The following AP3B1 variants were observed in gnomAD, a reference collection of about 807,000 sequenced individuals.
AP3B1 encodes AP-3 complex subunit beta-1.
In AP3B1, 61 loss-of-function variants were observed where a neutral mutation model predicts 132.5. The observed-to-expected ratio is 0.46, with a 90% CI of 0.37 to 0.57. The LOEUF (loss-of-function observed/expected upper bound fraction) is 0.57. AP3B1 is among the 20% of genes least tolerant of loss of function. AP3B1 has a pLI of 0.00. For missense variants in AP3B1, 1,120 were observed against 1,289.4 expected (o/e 0.87, Z 2.01); for synonymous variants, 388 against 438.3 (o/e 0.89, Z 1.43).
chr5:78,231,788 A>G (rs1378459331), intron 3 of AP3B1, among the ~76,000 whole-genome samples: 2 of 152,242 alleles, frequency 1.3e-5, no homozygotes, highest in Non-Finnish European at 1.5e-5. Flanking sequence ...CATGTCAGAC[A>G]CTGTTCTAAA....
At chr5:78,284,693 C>T (rs1327493708) in intron 1 of AP3B1, among the ~76,000 whole-genome samples, 15 of 152,114 alleles carry the variant, frequency 9.9e-5, no homozygotes, top group Non-Finnish European at 1.9e-4. Context: ...CTACATTAAC[C>T]GATTTCTTCT....
rs5868903 is a variant in AP3B1 at position 78,144,829 on chromosome 5, T to TTTGTTG, written c.1474-3516_1474-3511dup. Among the ~76,000 whole-genome samples, 13 of 140,750 alleles carry TTTGTTG rather than the reference T, an allele frequency of 9.2e-5. No homozygotes were observed. The East Asian group carries it at 1.4e-3, about 15-fold the overall frequency. 92.3% of individuals were successfully genotyped at this position (140,750 alleles called of 152,430 possible). ...GCAATCCACAGGTAGTATGGGTTGT[T>TTTGTTG]TTGTTGTTGTTGTTGTTTTTTAAAG... is the stretch of plus-strand genomic sequence containing the variant. On this transcript the variant is annotated intron_variant, in intron 14 of 26. Coordinates refer to ENST00000255194, the MANE Select transcript of AP3B1 (RefSeq NM_003664.5).
rs770886275 is a variant in AP3B1 at position 78,015,523 on chromosome 5, A to T, written c.3018T>A (p.Thr1006=). 1.7e-5 allele frequency: 27 copies of T among 1,613,558 alleles called. No individual in the cohort carries two copies. The South Asian group carries it at 3.0e-4, about 18-fold the overall frequency. The change falls in exon 26 of 27, where the codon ACT becomes ACA. Residue 1006 remains threonine (T), a synonymous_variant. Coordinates refer to ENST00000255194, the MANE Select transcript of AP3B1 (RefSeq NM_003664.5). ...GTGGTGCAGCAATGATTACAGCAGAAGTTTCATTCATTCCTGTTAGCACTC... is the reference window on the plus strand; with the variant it reads ...GTGGTGCAGCAATGATTACAGCAGATGTTTCATTCATTCCTGTTAGCACTC... ...EQGVLTGMNE[T]SAVIIAAPQN...
rs187205228 is a variant in AP3B1, at chr5:78,171,022, T to G, written c.1167+4604A>C. Among the ~76,000 whole-genome samples the G allele has an allele frequency of 4.1e-3, 628 of 152,318 alleles. 4 individuals are homozygous for G. The highest frequency in any genetic ancestry group is 0.014 in the African/African-American group (582 of 41,580). On this transcript the variant is annotated intron_variant, in intron 11 of 26. Transcript: ENST00000255194. ...TCCCTATTGCTTGCTTTTATCAGGT[T>G]TGTCAAAGATCAGATAGTTGTAGAT... is the stretch of plus-strand genomic sequence containing the variant.
chr5:78,003,079 T>C (rs1746251718), intron 26 of AP3B1, 24 bp from the exon 27 acceptor site: 2 of 1,612,654 alleles, frequency 1.2e-6, no homozygotes, highest in South Asian at 1.1e-5. Flanking sequence ...AAGAGAGACC[T>C]TTTATCATAA....
intron 6 of AP3B1, among the ~76,000 whole-genome samples, chr5:78,219,604 A>C (rs1397241400): frequency 6.6e-6 from 1 of 152,088 alleles, no homozygotes; most frequent in Non-Finnish European, 1.5e-5. Flanking sequence ...AATATCTTTT[A>C]CCTAAATAAC....
At chr5:78,100,757 T>G (rs1751091060) in intron 21 of AP3B1, among the ~76,000 whole-genome samples, 196 bp downstream of exon 21, 1 of 152,220 alleles carries the variant, frequency 6.6e-6, no homozygotes, top group African/African-American at 2.4e-5. Context: ...TATTTGTTCA[T>G]GTGATAATGA....
intron 8 of AP3B1, among the ~76,000 whole-genome samples, chr5:78,177,845 G>A (rs1259991514): frequency 6.6e-6 from 1 of 152,146 alleles, no homozygotes; most frequent in African/African-American, 2.4e-5. Flanking sequence ...CCAGAAGCCA[G>A]GAAAGAGAAG....
At chr5:78,212,995 A>G (rs1433971321) in intron 7 of AP3B1, among the ~76,000 whole-genome samples, 3 of 151,974 alleles carry the variant, frequency 2.0e-5, no homozygotes, top group African/African-American at 7.2e-5. Flanking sequence ...CTCCTGCCTC[A>G]GCCTCCCAAG....
chr5:78,227,674 G>T, intron 4 of AP3B1, 142 bp from the exon 5 acceptor site: 1 of 756,980 alleles, frequency 1.3e-6, no homozygotes, highest in Non-Finnish European at 2.2e-6. Context: ...TGAACAATTA[G>T]TATATAGGAA....
intron 13 of AP3B1, 81 bp from the exon 14 acceptor site, chr5:78,156,448 AT>A: frequency 9.5e-7 from 1 of 1,052,416 alleles, no homozygotes; most frequent in Non-Finnish European, 1.5e-6. Flanking sequence ...GTAAACTTAA[AT>A]TAGAAAAACA....
chr5:78,020,866 A>G, intron 24 of AP3B1, 77 bp from the exon 25 acceptor site: 1 of 1,147,802 alleles, frequency 8.7e-7, no homozygotes, highest in South Asian at 1.3e-5. Flanking sequence ...AATCAATGCA[A>G]TGAAAGCCTA....
chr5:78,113,855 T>C lies in AP3B1; in HGVS notation c.2146A>G (p.Ser716Gly). The C allele has an allele frequency of 6.2e-7, 1 of 1,614,236 alleles. No individual in the cohort carries two copies. The change falls in exon 19 of 27, where the codon AGC (serine) becomes GGC (glycine). Residue 716 changes from serine (S) to glycine (G), a missense_variant. Ser to Gly is a moderately conservative substitution (Grantham distance 56). Transcript: ENST00000255194. ...TGCTCACTGGAGGAGTCCTCACTGCTGTCCTCATTGCTGTCTCCTTCCTCC... is the reference window on the plus strand; with the variant it reads ...TGCTCACTGGAGGAGTCCTCACTGCCGTCCTCATTGCTGTCTCCTTCCTCC... ...SGEEGDSNED[S>G]SEDSSSEQDS...
intron 12 of AP3B1, 44 bp from the exon 13 acceptor site, chr5:78,162,995 A>C (rs773994133): frequency 6.3e-7 from 1 of 1,582,416 alleles, no homozygotes; most frequent in Non-Finnish European, 8.7e-7. Flanking sequence ...GGTATTATTG[A>C]GTTAACCAAA....
intron 3 of AP3B1, 131 bp from the exon 4 acceptor site, chr5:78,228,370 A>C (rs12651936): frequency 0.04 from 25,242 of 636,958 alleles, 1,023 homozygotes; most frequent in East Asian, 0.16. Flanking sequence ...TTGTAAAATA[A>C]AAATAATATT....
intron 2 of AP3B1, among the ~76,000 whole-genome samples, chr5:78,255,823 G>A (rs958075255): frequency 1.3e-5 from 2 of 152,058 alleles, no homozygotes; most frequent in African/African-American, 4.8e-5. Flanking sequence ...TCTTTCTCAA[G>A]GATGGACCAT....
chr5:78,119,679 G>A (rs1457365310), intron 17 of AP3B1, among the ~76,000 whole-genome samples: 5 of 152,160 alleles, frequency 3.3e-5, no homozygotes, highest in East Asian at 1.9e-4. Flanking sequence ...TCCAAGAAAT[G>A]TGGGACTATG....
At chr5:78,012,855 T>G (rs556657350) in intron 26 of AP3B1, among the ~76,000 whole-genome samples, 283 of 152,360 alleles carry the variant, frequency 1.9e-3, no homozygotes, top group African/African-American at 6.6e-3. Context: ...CAATTGAGAA[T>G]TGATTGTAAT....
intron 8 of AP3B1, 149 bp from the exon 9 acceptor site, chr5:78,177,585 T>C: frequency 1.4e-6 from 1 of 701,382 alleles, no homozygotes; most frequent in Non-Finnish European, 2.6e-6. Context: ...GTTGAAGAAG[T>C]GTCCCCCACT....
Sources: gnomAD v4.1 joint callset for allele counts (sites outside exome capture counted in the v4.1 genomes callset) on GRCh38, gnomAD v4.1.1 for gene constraint, MANE v1.5 for transcripts, NCBI Gene and HGNC (gene_info 2026-07-23, HGNC 2026-07-21) for gene names.